The following EZR variants were observed in gnomAD, a reference collection of about 807,000 sequenced individuals.
EZR encodes cytovillin 2.
EZR carries 40 observed loss-of-function variants against 74.8 expected under a neutral mutation model. That is an observed-to-expected ratio of 0.53 (90% confidence interval 0.42 to 0.70). The LOEUF (loss-of-function observed/expected upper bound fraction) is 0.70. Ranked by LOEUF, EZR falls within the 30% of genes least tolerant of loss-of-function variation. EZR has a pLI of 0.00. For synonymous variants in EZR, 341 were observed against 283.3 expected, an observed-to-expected ratio of 1.20 and a Z score of -2.05; for missense variants, 678 against 755.8, an observed-to-expected ratio of 0.90 and a Z score of 1.21.
chr6:158,767,178 T>G, intron 13 of EZR, 83 bp downstream of exon 13: 1 of 1,581,760 alleles, frequency 6.3e-7, no homozygotes. Context: ...TGGGTGGGGC[T>G]GGCTCACATC....
intron 8 of EZR, among the ~76,000 whole-genome samples, chr6:158,773,880 C>T (rs1018198469): frequency 1.3e-5 from 2 of 152,262 alleles, no homozygotes; most frequent in African/African-American, 4.8e-5. Context: ...GCAGCCGCCT[C>T]AGCCCCTCAT....
intron 2 of EZR, among the ~76,000 whole-genome samples, chr6:158,803,372 G>A (rs1777231537): frequency 6.6e-6 from 1 of 150,854 alleles, no homozygotes; most frequent in Non-Finnish European, 1.5e-5. Flanking sequence ...TACAAAAACT[G>A]AGACCCTCAA....
intron 2 of EZR, among the ~76,000 whole-genome samples, chr6:158,797,206 A>G (rs1478970172): frequency 6.6e-6 from 1 of 152,244 alleles, no homozygotes; most frequent in African/African-American, 2.4e-5. Flanking sequence ...GTCCAAGATC[A>G]GTTCCTCCAC....
At chr6:158,804,085 G>A (rs551379104) in intron 2 of EZR, among the ~76,000 whole-genome samples, 1 of 152,226 alleles carries the variant, frequency 6.6e-6, no homozygotes, top group South Asian at 2.1e-4. Flanking sequence ...GAGTAACACT[G>A]ATGGCCATTT....
chr6:158,819,050 G>A (rs1777632552), intron 1 of EZR, among the ~76,000 whole-genome samples: 1 of 152,170 alleles, frequency 6.6e-6, no homozygotes, highest in Non-Finnish European at 1.5e-5. Context: ...GCAACCGCTC[G>A]GGAGCCGCCG....
intron 13 of EZR, 45 bp downstream of exon 13, chr6:158,767,216 A>G (rs367782311): frequency 3.8e-5 from 61 of 1,589,070 alleles, no homozygotes; most frequent in Admixed American, 5.1e-5. Context: ...TGTCTGCTCC[A>G]AAAGCGAGGC....
At chr6:158,797,229 A>G (rs1777093045) in intron 2 of EZR, among the ~76,000 whole-genome samples, 1 of 152,214 alleles carries the variant, frequency 6.6e-6, no homozygotes, top group Non-Finnish European at 1.5e-5. Context: ...ACATTACAGG[A>G]GAGCAACCCT....
intron 12 of EZR, 24 bp downstream of exon 12, chr6:158,769,302 G>C (rs761333921): frequency 1.2e-6 from 2 of 1,601,724 alleles, no homozygotes; most frequent in Non-Finnish European, 8.5e-7. Context: ...TGGCCGTGCG[G>C]AGGTGTCCCC....
At chr6:158,806,626 G>A (rs1018126632) in intron 2 of EZR, among the ~76,000 whole-genome samples, 5 of 150,534 alleles carry the variant, frequency 3.3e-5, no homozygotes, top group South Asian at 2.1e-4. Context: ...TCCTTAATAC[G>A]TCAAGTTCAG....
intron 4 of EZR, among the ~76,000 whole-genome samples, chr6:158,785,940 T>G (rs934153562): frequency 6.6e-6 from 1 of 152,118 alleles, no homozygotes; most frequent in African/African-American, 2.4e-5. Context: ...TAGTCCCAGT[T>G]ACTCAAGAAG....
intron 2 of EZR, among the ~76,000 whole-genome samples, chr6:158,812,442 GTTC>G (rs1777469189): frequency 6.6e-6 from 1 of 152,160 alleles, no homozygotes. Context: ...GAAGTCATTA[GTTC>G]TTCAAGGGAC....
Position 158,770,754 on chromosome 6 carries a change from G to A in EZR, c.1090+10C>T, listed in dbSNP as rs1231266795. On this transcript the variant is annotated intron_variant, in intron 10 of 13. Coordinates refer to ENST00000367075, the MANE Select transcript of EZR (RefSeq NM_001111077.2). The stretch of plus-strand genomic sequence containing the variant: ...ACCCAGTGTAGAGTGCCAGCCCCAG[G>A]GCGCCTGACCTCTCTCTGCCTTCTT... The A allele has an allele frequency of 3.1e-6, 5 of 1,614,038 alleles. No homozygotes were observed. Among genetic ancestry groups the A allele is most frequent in the Non-Finnish European group, 3.4e-6 (4 of 1,179,998 alleles).
chr6:158,805,336 GGAAA>G (rs1777311436), intron 2 of EZR, among the ~76,000 whole-genome samples: 1 of 85,772 alleles, frequency 1.2e-5, no homozygotes, highest in African/African-American at 6.1e-5. Flanking sequence ...CTCCATCTCA[GGAAA>G]AAAAAAAAAA....
rs141291360 is a variant in EZR at position 158,777,725 on chromosome 6, G to A, written c.699-1221C>T. Among the ~76,000 whole-genome samples the A allele has an allele frequency of 3.5e-4, 53 of 152,300 alleles. No homozygotes were observed. In the East Asian group the frequency reaches 9.7e-3, roughly 28 times the overall value. Reference sequence around the variant, plus strand: ...ACATCAACTAGATCAAGGCAGTGGGGTGGACTCTGTAGGCTGAGGGCAAAC... The same window carrying A: ...ACATCAACTAGATCAAGGCAGTGGGATGGACTCTGTAGGCTGAGGGCAAAC... On this transcript the variant is annotated intron_variant, in intron 7 of 13. Transcript: ENST00000367075.
At chr6:158,788,762 A>G (rs866020084) in intron 3 of EZR, among the ~76,000 whole-genome samples, 11 of 152,124 alleles carry the variant, frequency 7.2e-5, no homozygotes, top group African/African-American at 2.7e-4. Context: ...AAATCTTCCA[A>G]TTTTAAAAAG....
chr6:158,798,480 A>G (rs1307621774), intron 2 of EZR, among the ~76,000 whole-genome samples: 2 of 152,210 alleles, frequency 1.3e-5, no homozygotes, highest in Non-Finnish European at 2.9e-5. Flanking sequence ...CCAATCATGC[A>G]TGGCCATGCT....
chr6:158,800,689 A>C (rs1286524652), intron 2 of EZR, among the ~76,000 whole-genome samples: 1 of 152,154 alleles, frequency 6.6e-6, no homozygotes, highest in African/African-American at 2.4e-5. Flanking sequence ...GTAATCCCAG[A>C]TACACCAGGG....
At chr6:158,769,287 T>A (rs1461453235) in intron 12 of EZR, 39 bp downstream of exon 12, 2 of 1,570,626 alleles carry the variant, frequency 1.3e-6, no homozygotes, top group Admixed American at 3.3e-5. Flanking sequence ...GGGCAACAGG[T>A]GCTGTGGCCG....
intron 10 of EZR, 39 bp from the exon 11 acceptor site, chr6:158,769,983 C>T (rs2128565038): frequency 1.2e-6 from 2 of 1,600,832 alleles, no homozygotes; most frequent in Non-Finnish European, 1.7e-6. Flanking sequence ...AAACCCTCAG[C>T]CCAGGGACCT....
Sources: allele counts gnomAD v4.1 joint callset (sites outside exome capture counted in the v4.1 genomes callset), GRCh38; gene constraint gnomAD v4.1.1; transcripts MANE v1.5; gene names NCBI Gene and HGNC (gene_info 2026-07-23, HGNC 2026-07-21).